ABTB3: variants seen among roughly 807,000 people sequenced by gnomAD.
ABTB3 encodes the protein ankyrin repeat- and BTB/POZ domain-containing protein 3.
chr12:107,630,973 G>A, the ABTB3 span, among the ~76,000 whole-genome samples: 2 of 152,214 alleles, frequency 1.3e-5, no homozygotes, highest in South Asian at 4.1e-4. Flanking sequence ...AGATTCACAG[G>A]GTTTATGTGT....
At chr12:107,474,185 G>T in the ABTB3 span, among the ~76,000 whole-genome samples, 1 of 152,278 alleles carries the variant, frequency 6.6e-6, no homozygotes, top group East Asian at 1.9e-4. Context: ...GTATATCTGG[G>T]AGCGGAATGG....
chr12:107,574,227 G>A, the ABTB3 span, among the ~76,000 whole-genome samples: 3 of 152,088 alleles, frequency 2.0e-5, no homozygotes, highest in African/African-American at 2.4e-5. Flanking sequence ...AACCAGGCTC[G>A]GCCAATCTGA....
the ABTB3 span, among the ~76,000 whole-genome samples, chr12:107,624,701 T>C: frequency 6.6e-6 from 1 of 152,242 alleles, no homozygotes; most frequent in Admixed American, 6.5e-5. Flanking sequence ...TTCCATGGAA[T>C]AGATGTACCC....
chr12:107,473,792 T>C, the ABTB3 span, among the ~76,000 whole-genome samples: 2 of 151,696 alleles, frequency 1.3e-5, no homozygotes. Context: ...ATGAGGCCAT[T>C]TCTTTTCTTT....
the ABTB3 span, among the ~76,000 whole-genome samples, chr12:107,593,826 C>A: frequency 6.6e-6 from 1 of 152,174 alleles, no homozygotes; most frequent in Non-Finnish European, 1.5e-5. Context: ...CCCCACCCAG[C>A]AGGACTACGT....
the ABTB3 span, among the ~76,000 whole-genome samples, chr12:107,336,994 G>A: frequency 3.9e-5 from 6 of 152,290 alleles, no homozygotes; most frequent in Admixed American, 1.3e-4. Flanking sequence ...CCTGAACAAC[G>A]CTCCTTTTCA....
the ABTB3 span, among the ~76,000 whole-genome samples, chr12:107,372,423 G>A: frequency 6.1e-3 from 923 of 152,278 alleles, 6 homozygotes; most frequent in Non-Finnish European, 9.8e-3. Flanking sequence ...CACCTCCCCT[G>A]AGCCAAAATT....
the ABTB3 span, chr12:107,520,694 G>C: frequency 5.6e-6 from 9 of 1,595,008 alleles, no homozygotes; most frequent in East Asian, 1.8e-4. Context: ...GTCTGTGCCC[G>C]AAGTGACACA....
chr12:107,325,122 T>C, the ABTB3 span, among the ~76,000 whole-genome samples: 1 of 152,224 alleles, frequency 6.6e-6, no homozygotes, highest in Non-Finnish European at 1.5e-5. Flanking sequence ...ACAATAATAC[T>C]TGTGGGATTT....
At chr12:107,404,702 C>T in the ABTB3 span, among the ~76,000 whole-genome samples, 5 of 152,154 alleles carry the variant, frequency 3.3e-5, no homozygotes, top group Non-Finnish European at 5.9e-5. Context: ...TGGTGCTCTG[C>T]TGCTTGTTCG....
At chr12:107,622,442 A>C in the ABTB3 span, among the ~76,000 whole-genome samples, 2 of 152,134 alleles carry the variant, frequency 1.3e-5, no homozygotes, top group African/African-American at 2.4e-5. Context: ...TTCTCCCTGC[A>C]CTTTAGGATT....
At chr12:107,329,996 T>G in the ABTB3 span, among the ~76,000 whole-genome samples, 3 of 152,210 alleles carry the variant, frequency 2.0e-5, no homozygotes, top group Admixed American at 1.3e-4. Context: ...GGAGTAAGGC[T>G]TCACTAAGGA....
the ABTB3 span, among the ~76,000 whole-genome samples, chr12:107,621,459 T>C: frequency 6.6e-6 from 1 of 152,214 alleles, no homozygotes. Context: ...TTCTATCGTT[T>C]TGAGGTTTTG....
At chr12:107,521,748 A>G in the ABTB3 span, among the ~76,000 whole-genome samples, 1 of 149,774 alleles carries the variant, frequency 6.7e-6, no homozygotes, top group Non-Finnish European at 1.5e-5. Context: ...TGAGCACAAG[A>G]GGTTTACCAC....
chr12:107,520,454 TC>T, the ABTB3 span: 1 of 1,603,868 alleles, frequency 6.2e-7, no homozygotes, highest in Non-Finnish European at 8.5e-7. Flanking sequence ...CAATCTGTTT[TC>T]CTTTCATTCT....
chr12:107,535,049 A>G, the ABTB3 span, among the ~76,000 whole-genome samples: 1 of 152,228 alleles, frequency 6.6e-6, no homozygotes, highest in African/African-American at 2.4e-5. Flanking sequence ...CCAACAAAAT[A>G]CTAGCAAAGC....
chr12:107,647,235 T>G, the ABTB3 span, among the ~76,000 whole-genome samples: 1 of 152,024 alleles, frequency 6.6e-6, no homozygotes, highest in Non-Finnish European at 1.5e-5. Context: ...GAGGCTGAAG[T>G]GGAAGGATTG....
the ABTB3 span, among the ~76,000 whole-genome samples, chr12:107,435,224 C>A: frequency 6.6e-6 from 1 of 152,134 alleles, no homozygotes; most frequent in African/African-American, 2.4e-5. Context: ...AGAATCAGTG[C>A]GTACCCACCA....
At chr12:107,427,344 C>T in the ABTB3 span, among the ~76,000 whole-genome samples, 1 of 151,910 alleles carries the variant, frequency 6.6e-6, no homozygotes, top group Admixed American at 6.6e-5. Flanking sequence ...TGTAGTGGCA[C>T]AATCACGGCT....
Sources: gnomAD v4.1 joint callset for allele counts (sites outside exome capture counted in the v4.1 genomes callset) on GRCh38, gnomAD v4.1.1 for gene constraint, MANE v1.5 for transcripts, NCBI Gene and HGNC (gene_info 2026-07-23, HGNC 2026-07-21) for gene names.